PEX39: variants seen among roughly 807,000 people sequenced by gnomAD.
PEX39 encodes the protein peroxin-39.
the PEX39 span, chr6:42,890,462 C>A: frequency 6.7e-7 from 1 of 1,496,996 alleles, no homozygotes; most frequent in South Asian, 1.4e-5. Flanking sequence ...TCCAGATCGC[C>A]GCCGCAAAGG....
At chr6:42,890,413 G>T in the PEX39 span, 1 of 1,414,818 alleles carries the variant, frequency 7.1e-7, no homozygotes, top group South Asian at 1.5e-5. Flanking sequence ...CATAAAAGAT[G>T]AGTAACTGAA....
chr6:42,890,392 C>T, the PEX39 span: 1 of 1,293,502 alleles, frequency 7.7e-7, no homozygotes, highest in South Asian at 1.7e-5. Flanking sequence ...TGAGACAGGT[C>T]AGGACGAAAG....
the PEX39 span, chr6:42,890,611 G>A: frequency 6.2e-7 from 1 of 1,612,496 alleles, no homozygotes; most frequent in Non-Finnish European, 8.5e-7. Context: ...GCCTCCCAGG[G>A]CTTGGGCCTC....
chr6:42,890,505 G>C, the PEX39 span: 2 of 1,548,620 alleles, frequency 1.3e-6, no homozygotes, highest in Non-Finnish European at 1.7e-6. Context: ...TGTATGCCAT[G>C]AAGAAGGCGC....
chr6:42,890,685 G>A, the PEX39 span: 1 of 1,612,616 alleles, frequency 6.2e-7, no homozygotes, highest in African/African-American at 1.3e-5. Context: ...CTCCAGGCCC[G>A]GGAGTTCCTG....
At chr6:42,890,701 G>C in the PEX39 span, 32 of 1,612,028 alleles carry the variant, frequency 2.0e-5, no homozygotes, top group South Asian at 3.5e-4. Flanking sequence ...TCCTGGCCCT[G>C]CTGGACCAGC....
At chr6:42,890,631 CG>C in the PEX39 span, 1 of 1,612,648 alleles carries the variant, frequency 6.2e-7, no homozygotes, top group East Asian at 2.2e-5. Context: ...CCGCGGCAGC[CG>C]GGACGCTGTG....
At chr6:42,890,705 G>A in the PEX39 span, 9 of 1,612,024 alleles carry the variant, frequency 5.6e-6, no homozygotes, top group Non-Finnish European at 7.6e-6. Flanking sequence ...GGCCCTGCTG[G>A]ACCAGCTGCA....
At chr6:42,890,531 C>T in the PEX39 span, 1 of 1,576,298 alleles carries the variant, frequency 6.3e-7, no homozygotes. Flanking sequence ...CTGCCTCAAC[C>T]AAGCCAGGCT....
the PEX39 span, chr6:42,890,384 A>G: frequency 3.3e-6 from 4 of 1,202,198 alleles, no homozygotes; most frequent in Admixed American, 3.4e-5. Context: ...AGTCTAGTTG[A>G]GACAGGTCAG....
At chr6:42,890,760 G>A in the PEX39 span, 4 of 1,600,406 alleles carry the variant, frequency 2.5e-6, no homozygotes, top group Admixed American at 1.7e-5. Flanking sequence ...GGCCGGGGCC[G>A]AGCATTGGGG....
the PEX39 span, chr6:42,890,463 G>C: frequency 6.7e-7 from 1 of 1,495,806 alleles, no homozygotes; most frequent in South Asian, 1.4e-5. Context: ...CCAGATCGCC[G>C]CCGCAAAGGA....
chr6:42,890,597 C>T, the PEX39 span: 113 of 1,611,804 alleles, frequency 7.0e-5, no homozygotes, highest in Admixed American at 3.2e-4. Context: ...CAGCCAAAGC[C>T]GCGGCCTCCC....
the PEX39 span, chr6:42,890,770 GA>G: frequency 1.3e-6 from 2 of 1,592,624 alleles, no homozygotes; most frequent in South Asian, 2.2e-5. Flanking sequence ...GAGCATTGGG[GA>G]CTGCGGGGAC....
chr6:42,890,737 A>G, the PEX39 span: 2 of 1,608,640 alleles, frequency 1.2e-6, no homozygotes, highest in South Asian at 1.1e-5. Flanking sequence ...AGGGTAACCG[A>G]AGCTGAGGCA....
the PEX39 span, chr6:42,890,616 G>C: frequency 6.2e-7 from 1 of 1,612,480 alleles, no homozygotes; most frequent in South Asian, 1.1e-5. Flanking sequence ...CCAGGGCTTG[G>C]GCCTCCGCGG....
the PEX39 span, chr6:42,890,556 C>T: frequency 6.2e-7 from 1 of 1,603,888 alleles, no homozygotes; most frequent in East Asian, 2.2e-5. Flanking sequence ...CGGGGCCGTT[C>T]CTATCCTGAG....
the PEX39 span, chr6:42,890,645 T>A: frequency 6.2e-7 from 1 of 1,612,758 alleles, no homozygotes; most frequent in Non-Finnish European, 8.5e-7. Context: ...ACGCTGTGGG[T>A]TCGCCGTGGA....
At chr6:42,890,545 C>G in the PEX39 span, 1 of 1,587,442 alleles carries the variant, frequency 6.3e-7, no homozygotes, top group Non-Finnish European at 8.6e-7. Context: ...CCAGGCTCCG[C>G]CGGGGCCGTT....
Sources: gnomAD v4.1 joint callset for allele counts on GRCh38, gnomAD v4.1.1 for gene constraint, MANE v1.5 for transcripts, NCBI Gene and HGNC (gene_info 2026-07-23, HGNC 2026-07-21) for gene names.